ZDHHC14: variants seen among roughly 807,000 people sequenced by gnomAD.
ZDHHC14 encodes the protein zDHHC palmitoyltransferase 14.
ZDHHC14 carries 16 observed loss-of-function variants against 47.7 expected under a neutral mutation model. That is an observed-to-expected ratio of 0.34 (90% CI 0.23 to 0.51). The LOEUF (loss-of-function observed/expected upper bound fraction) is 0.51. Among genes scored for constraint, ZDHHC14 ranks in the 20% least tolerant of loss-of-function variants. ZDHHC14 has a pLI of 0.97. For synonymous variants in ZDHHC14, 293 were observed against 278.9 expected (o/e 1.05, Z -0.50); for missense variants, 515 against 662.5 (o/e 0.78, Z 2.44).
intron 1 of ZDHHC14, among the ~76,000 whole-genome samples, chr6:157,541,956 C>T (rs1781782858): frequency 6.6e-6 from 1 of 152,352 alleles, no homozygotes. Flanking sequence ...TGAGATGATT[C>T]TATTCCAGCT....
intron 2 of ZDHHC14, among the ~76,000 whole-genome samples, chr6:157,571,689 C>T (rs934860015): frequency 6.6e-6 from 1 of 151,928 alleles, no homozygotes; most frequent in African/African-American, 2.4e-5. Flanking sequence ...AAACCTGTCT[C>T]TCTCAGCTGT....
intron 1 of ZDHHC14, among the ~76,000 whole-genome samples, chr6:157,410,181 T>C (rs1308424528): frequency 6.6e-6 from 1 of 152,190 alleles, no homozygotes; most frequent in Non-Finnish European, 1.5e-5. Flanking sequence ...TCCTTGTGGC[T>C]TCTGTCTGTG....
rs866636011 is a variant in ZDHHC14 at position 157,385,230 on chromosome 6, A to G, written c.245+2964A>G. ...CAGTCTCCTTAGTAACTGGAACTGT[A>G]GGCATGCACCACCACACCCAGCCAA... On this transcript the variant is annotated intron_variant, in intron 1 of 8. Transcript: ENST00000359775. 9.9e-5 allele frequency among the ~76,000 whole-genome samples: 15 copies of G among 152,246 alleles called. No individual in the cohort carries two copies. In the South Asian group the frequency reaches 1.2e-3, roughly 13 times the overall value.
At chr6:157,570,891 T>G (rs746765610) in intron 2 of ZDHHC14, among the ~76,000 whole-genome samples, 11 of 152,052 alleles carry the variant, frequency 7.2e-5, no homozygotes, top group Non-Finnish European at 1.5e-4. Context: ...AAAAAGAGCT[T>G]TTGATAGCTG....
At chr6:157,480,924 G>C (rs1317881798) in intron 1 of ZDHHC14, among the ~76,000 whole-genome samples, 4 of 152,134 alleles carry the variant, frequency 2.6e-5, no homozygotes, top group Non-Finnish European at 5.9e-5. Context: ...AATTTTGATA[G>C]TTTTAAAAAA....
chr6:157,514,768 G>C (rs933094229), intron 1 of ZDHHC14, among the ~76,000 whole-genome samples: 5 of 152,174 alleles, frequency 3.3e-5, no homozygotes, highest in African/African-American at 1.2e-4. Context: ...TGGGCGGTGG[G>C]GAGTGGGTGA....
chr6:157,651,334 A>T (rs1187464259), intron 7 of ZDHHC14, among the ~76,000 whole-genome samples: 4 of 152,110 alleles, frequency 2.6e-5, no homozygotes, highest in Non-Finnish European at 4.4e-5. Context: ...CTGTCGGCCC[A>T]TGGTGTTCTT....
chr6:157,413,676 G>T, intron 1 of ZDHHC14, among the ~76,000 whole-genome samples: 1 of 151,004 alleles, frequency 6.6e-6, no homozygotes, highest in East Asian at 1.9e-4. Flanking sequence ...TTTCTACACT[G>T]CATTTTCTAA....
intron 1 of ZDHHC14, among the ~76,000 whole-genome samples, chr6:157,390,630 G>T (rs948210306): frequency 9.2e-5 from 14 of 151,922 alleles, no homozygotes; most frequent in Non-Finnish European, 2.1e-4. Context: ...TTCCTGTCGG[G>T]TTGTCTTCAA....
At chr6:157,624,345 A>T (rs776566608) in intron 3 of ZDHHC14, among the ~76,000 whole-genome samples, 1 of 152,154 alleles carries the variant, frequency 6.6e-6, no homozygotes, top group Non-Finnish European at 1.5e-5. Flanking sequence ...CTGCTTTTCC[A>T]TGGCCTGTTC....
At chr6:157,401,081 T>C (rs1777626795) in intron 1 of ZDHHC14, among the ~76,000 whole-genome samples, 1 of 152,236 alleles carries the variant, frequency 6.6e-6, no homozygotes, top group Admixed American at 6.5e-5. Flanking sequence ...TTTCAGGGTT[T>C]CCATGTGTGG....
chr6:157,665,182 C>A (rs549716237), intron 8 of ZDHHC14, among the ~76,000 whole-genome samples: 1 of 152,292 alleles, frequency 6.6e-6, no homozygotes, highest in East Asian at 1.9e-4. Context: ...TTCATATACT[C>A]CCTTATATAC....
Position 157,645,772 on chromosome 6 carries a change from G to GGTCCAT in ZDHHC14, c.789_794dup (p.Ser264_Ile265insMetSer). 1.2e-6 allele frequency: 2 copies of GGTCCAT among 1,614,064 alleles called. No homozygotes were observed. The highest frequency in any genetic ancestry group is 1.7e-6 in the Non-Finnish European group (2 of 1,180,016). ...GCTGTGGTGTGCTTCTTCTCTGTCT[G>GGTCCAT]GTCCATCGTTGGCCTCTCAGGATTC... On this transcript the variant is annotated inframe_insertion, in exon 6 of 9. Transcript: ENST00000359775.
intron 1 of ZDHHC14, among the ~76,000 whole-genome samples, chr6:157,516,536 T>A (rs1780699561): frequency 6.6e-6 from 1 of 152,242 alleles, no homozygotes; most frequent in African/African-American, 2.4e-5. Flanking sequence ...CTGCACGTAG[T>A]TGAGTGAATT....
rs191657728 is a variant in ZDHHC14, at chr6:157,496,830, C to A, written c.246-45755C>A. On this transcript the variant is annotated intron_variant, in intron 1 of 8. Coordinates refer to ENST00000359775, the MANE Select transcript of ZDHHC14 (RefSeq NM_024630.3). ...TTATGGCGGCCCTAGGAATCCAATA[C>A]ACACGCCGACCTGCATGAACTGCCC... 1.6e-4 allele frequency among the ~76,000 whole-genome samples: 24 copies of A among 152,372 alleles called. No individual in the cohort carries two copies. In the East Asian group the frequency reaches 3.7e-3, roughly 23 times the overall value.
At chr6:157,391,928 C>T (rs997130473) in intron 1 of ZDHHC14, among the ~76,000 whole-genome samples, 5 of 152,192 alleles carry the variant, frequency 3.3e-5, no homozygotes, top group Non-Finnish European at 7.3e-5. Context: ...TTCATTTTTA[C>T]TGCTGTAGGA....
At chr6:157,532,976 C>G (rs1313642594) in intron 1 of ZDHHC14, among the ~76,000 whole-genome samples, 1 of 152,082 alleles carries the variant, frequency 6.6e-6, no homozygotes, top group African/African-American at 2.4e-5. Context: ...AAAAATAAGC[C>G]ATGCTTTAAT....
At chr6:157,598,288 A>G (rs1200321856) in intron 3 of ZDHHC14, among the ~76,000 whole-genome samples, 2 of 152,184 alleles carry the variant, frequency 1.3e-5, no homozygotes, top group Non-Finnish European at 2.9e-5. Context: ...TGAGGGGGCT[A>G]TTAGTTTCTC....
At chr6:157,424,115 A>T (rs571292772) in intron 1 of ZDHHC14, among the ~76,000 whole-genome samples, 8 of 152,312 alleles carry the variant, frequency 5.3e-5, no homozygotes, top group Non-Finnish European at 1.2e-4. Context: ...CATATCAAAC[A>T]ACACATTCAC....
Sources: allele counts gnomAD v4.1 joint callset (sites outside exome capture counted in the v4.1 genomes callset), GRCh38; gene constraint gnomAD v4.1.1; transcripts MANE v1.5; gene names NCBI Gene and HGNC (gene_info 2026-07-23, HGNC 2026-07-21).